Variants in SDK1 observed in about 807,000 individuals in gnomAD.
The protein encoded by SDK1 is protein sidekick-1.
SDK1 carries 157 observed loss-of-function variants against 245.5 expected under a neutral mutation model. The ratio of observed to expected loss-of-function variants is 0.64; its 90% CI spans 0.56 to 0.73. SDK1 has a LOEUF of 0.73. Ranked by LOEUF, SDK1 falls within the 30% of genes least tolerant of loss-of-function variation. SDK1 has a pLI of 0.00. For synonymous variants in SDK1, 1,647 were observed against 1,278.5 expected (o/e 1.29, Z -6.15); for missense variants, 3,583 against 3,002.3 (o/e 1.19, Z -4.52).
intron 42 of SDK1, 24 bp downstream of exon 42, chr7:4,237,808 C>T (rs771405429): frequency 6.8e-6 from 11 of 1,613,022 alleles, no homozygotes; most frequent in Admixed American, 1.7e-5. Context: ...CCCTTCCTCG[C>T]GTGTCCCACG....
intron 25 of SDK1, among the ~76,000 whole-genome samples, chr7:4,120,236 C>G (rs1253656537): frequency 1.3e-5 from 2 of 148,872 alleles, no homozygotes; most frequent in African/African-American, 2.5e-5. Flanking sequence ...CGAGAAATTC[C>G]AGGGTTGATG....
chr7:4,215,350 TC>T (rs1406035035), intron 38 of SDK1, among the ~76,000 whole-genome samples: 1 of 151,728 alleles, frequency 6.6e-6, no homozygotes, highest in Non-Finnish European at 1.5e-5. Context: ...TTGGGCGGAG[TC>T]CCCCTACACC....
intron 8 of SDK1, among the ~76,000 whole-genome samples, chr7:3,959,934 T>C (rs772863223): frequency 1.3e-5 from 2 of 152,148 alleles, no homozygotes; most frequent in African/African-American, 4.8e-5. Flanking sequence ...ACACAAAACC[T>C]TCTAGCAGAG....
chr7:3,897,031 C>A (rs1327022423), intron 5 of SDK1, among the ~76,000 whole-genome samples: 1 of 152,084 alleles, frequency 6.6e-6, no homozygotes, highest in Non-Finnish European at 1.5e-5. Context: ...AGGGGAAGAA[C>A]TGCACACTTA....
intron 30 of SDK1, 84 bp from the exon 31 acceptor site, chr7:4,158,364 C>G (rs764610568): frequency 1.3e-5 from 15 of 1,139,238 alleles, no homozygotes; most frequent in Non-Finnish European, 1.8e-5. Flanking sequence ...GGATTTGCCC[C>G]TCTTCCCAGG....
At position 4,129,909 on chromosome 7, in the gene SDK1, T is replaced by C; in HGVS notation, c.3941T>C (p.Ile1314Thr). ...DQNGLILGYK[I>T]LFRAKDLDPE... ...CCTCGTGCTGTGTCGATACCACAGA[T>C]CCTGTTCCGGGCCAAAGACCTGGAT... Residue 1314 changes from isoleucine to threonine, a missense_variant and splice_region_variant, in exon 27 of 45, where the codon ATC becomes ACC. Physicochemically the swap from Ile to Thr is moderately conservative, Grantham distance 89. Coordinates refer to ENST00000404826, the MANE Select transcript of SDK1 (RefSeq NM_152744.4). 6.2e-7 allele frequency: 1 copy of C among 1,613,538 alleles called. No homozygotes were observed. Among genetic ancestry groups the C allele is most frequent in the Non-Finnish European group, 8.5e-7 (1 of 1,179,872 alleles).
At chr7:3,875,105 G>A (rs1200130396) in intron 5 of SDK1, among the ~76,000 whole-genome samples, 1 of 152,166 alleles carries the variant, frequency 6.6e-6, no homozygotes, top group Admixed American at 6.5e-5. Flanking sequence ...TCTTCCTATG[G>A]GCTTATAGTG....
At position 4,077,199 on chromosome 7, in the gene SDK1, A is replaced by C; in HGVS notation, c.3202+10A>C. ...TCTGGAGTGCCCCCAGGTCAGTAGAATCGTGTGCGGTCCTCCTGCTGTCAC... is the reference window on the plus strand; with the variant it reads ...TCTGGAGTGCCCCCAGGTCAGTAGACTCGTGTGCGGTCCTCCTGCTGTCAC... On this transcript the variant is annotated intron_variant, in intron 21 of 44. Coordinates refer to ENST00000404826, the MANE Select transcript of SDK1 (RefSeq NM_152744.4). 6.2e-7 allele frequency: 1 copy of C among 1,612,920 alleles called. No homozygotes were observed. The highest frequency in any genetic ancestry group is 8.5e-7 in the Non-Finnish European group (1 of 1,179,216).
At chr7:3,363,851 C>T (rs1293023768) in intron 1 of SDK1, among the ~76,000 whole-genome samples, 5 of 152,162 alleles carry the variant, frequency 3.3e-5, no homozygotes, top group Non-Finnish European at 4.4e-5. Context: ...AGTTGTTGGC[C>T]TGGGGGTTGG....
chr7:3,417,986 T>A (rs1002436961), intron 1 of SDK1, among the ~76,000 whole-genome samples: 1 of 152,034 alleles, frequency 6.6e-6, no homozygotes, highest in Non-Finnish European at 1.5e-5. Flanking sequence ...TACAAGTGAT[T>A]TCTCTACTGA....
chr7:3,675,516 A>G (rs1783864330), intron 4 of SDK1, among the ~76,000 whole-genome samples: 1 of 152,098 alleles, frequency 6.6e-6, no homozygotes, highest in Non-Finnish European at 1.5e-5. Context: ...ACAAAAGTCT[A>G]CATAATATGC....
intron 5 of SDK1, among the ~76,000 whole-genome samples, chr7:3,868,489 A>G (rs556996318): frequency 6.6e-6 from 1 of 152,326 alleles, no homozygotes; most frequent in South Asian, 2.1e-4. Context: ...TGAATTTGCT[A>G]TTTTAGTTGA....
At chr7:3,315,139 A>G (rs953753311) in intron 1 of SDK1, among the ~76,000 whole-genome samples, 2 of 152,176 alleles carry the variant, frequency 1.3e-5, no homozygotes, top group Non-Finnish European at 2.9e-5. Flanking sequence ...AGAAGACTAC[A>G]ATGTTAGTAT....
At chr7:3,612,251 A>G (rs903875746) in intron 1 of SDK1, among the ~76,000 whole-genome samples, 5 of 152,244 alleles carry the variant, frequency 3.3e-5, no homozygotes. Flanking sequence ...TAAAAAAATT[A>G]AAAATCCTAT....
chr7:4,195,379 C>G (rs1320422180), intron 35 of SDK1, among the ~76,000 whole-genome samples: 2 of 151,970 alleles, frequency 1.3e-5, no homozygotes, highest in African/African-American at 4.8e-5. Flanking sequence ...ACACTCTGCC[C>G]TGGCTGCTGC....
chr7:4,181,261 C>G (rs940443529), intron 35 of SDK1, among the ~76,000 whole-genome samples: 10 of 152,240 alleles, frequency 6.6e-5, no homozygotes, highest in Admixed American at 5.9e-4. Context: ...CGGGTTGTAG[C>G]AGATGTCGGA....
intron 1 of SDK1, among the ~76,000 whole-genome samples, chr7:3,500,083 G>T (rs1177576694): frequency 6.6e-6 from 1 of 152,100 alleles, no homozygotes; most frequent in East Asian, 1.9e-4. Flanking sequence ...TAAAAAGGTG[G>T]TTGGGTGGGT....
At position 3,905,689 on chromosome 7, in the gene SDK1, A is replaced by G. The variant is rs1778882389; in HGVS notation, c.848-45234A>G. On this transcript the variant is annotated intron_variant, in intron 5 of 44. Transcript: ENST00000404826. ...TGTCCAGGCTGGAGTGCAGTGGCAC[A>G]ATCACTCACTGTAACCCCGAACTCC... Among the ~76,000 whole-genome samples, 2 of 151,950 alleles carry G rather than the reference A, an allele frequency of 1.3e-5. 1 individual carries two copies. The highest frequency in any genetic ancestry group is 1.3e-4 in the Admixed American group (2 of 15,250).
chr7:3,579,056 C>T (rs538911149), intron 1 of SDK1, among the ~76,000 whole-genome samples: 1 of 151,968 alleles, frequency 6.6e-6, no homozygotes, highest in South Asian at 2.1e-4. Context: ...TCCAGCTGGT[C>T]CCTCCATTTG....
Sources: allele counts gnomAD v4.1 joint callset (sites outside exome capture counted in the v4.1 genomes callset), GRCh38; gene constraint gnomAD v4.1.1; transcripts MANE v1.5; gene names NCBI Gene and HGNC (gene_info 2026-07-23, HGNC 2026-07-21).